ALK: variants seen among roughly 807,000 people sequenced by gnomAD.
The protein encoded by ALK is ALK receptor tyrosine kinase.
Under a neutral mutation model 163.1 loss-of-function variants are expected in ALK, and 74 were observed. That is an observed-to-expected ratio of 0.45 (90% CI 0.38 to 0.55). The LOEUF (loss-of-function observed/expected upper bound fraction) is 0.55. Among genes scored for constraint, ALK ranks in the 20% least tolerant of loss-of-function variants. The pLI is 0.00. For missense variants in ALK, 2,063 were observed against 2,105.3 expected (o/e 0.98, Z 0.39); for synonymous variants, 960 against 843.2 (o/e 1.14, Z -2.40).
At chr2:29,409,183 C>T (rs1669667682) in intron 4 of ALK, among the ~76,000 whole-genome samples, 1 of 152,188 alleles carries the variant, frequency 6.6e-6, no homozygotes, top group Admixed American at 6.5e-5. Flanking sequence ...CTCTAAAATG[C>T]CACTCGTCTT....
At chr2:29,575,365 T>C (rs919793040) in intron 3 of ALK, among the ~76,000 whole-genome samples, 2 of 152,214 alleles carry the variant, frequency 1.3e-5, no homozygotes, top group African/African-American at 2.4e-5. Context: ...TCATCTGTTT[T>C]TATTCTCTTT....
intron 4 of ALK, among the ~76,000 whole-genome samples, chr2:29,514,996 C>T (rs1179038195): frequency 6.6e-6 from 1 of 152,190 alleles, no homozygotes; most frequent in Non-Finnish European, 1.5e-5. Flanking sequence ...CCTGATCAGT[C>T]CTCTGCCTGT....
intron 20 of ALK, 82 bp from the exon 21 acceptor site, chr2:29,222,689 C>T (rs2148169684): frequency 8.0e-7 from 1 of 1,243,500 alleles, no homozygotes; most frequent in Non-Finnish European, 1.2e-6. Flanking sequence ...GCCTGGGCGT[C>T]ACATTTAGTG....
At chr2:29,741,271 G>T (rs1265143562) in intron 1 of ALK, among the ~76,000 whole-genome samples, 1 of 152,150 alleles carries the variant, frequency 6.6e-6, no homozygotes, top group African/African-American at 2.4e-5. Context: ...TACTATAACG[G>T]TGAGTGCCCA....
chr2:29,556,324 G>A (rs115552113), intron 3 of ALK, among the ~76,000 whole-genome samples: 127 of 152,310 alleles, frequency 8.3e-4, no homozygotes, highest in African/African-American at 2.8e-3. Context: ...CTATGGAGAA[G>A]TCTCACGGAG....
At chr2:29,273,311 T>A (rs1665443055) in intron 11 of ALK, among the ~76,000 whole-genome samples, 1 of 152,242 alleles carries the variant, frequency 6.6e-6, no homozygotes, top group African/African-American at 2.4e-5. Context: ...CCTGGACCCA[T>A]AGGCACTACC....
At chr2:29,688,777 T>C (rs1040276638) in intron 3 of ALK, among the ~76,000 whole-genome samples, 15 of 152,216 alleles carry the variant, frequency 9.9e-5, no homozygotes, top group African/African-American at 3.6e-4. Flanking sequence ...CTCCTGACTG[T>C]TTCCCCAACT....
intron 4 of ALK, among the ~76,000 whole-genome samples, chr2:29,406,444 A>G (rs1024244502): frequency 6.6e-6 from 1 of 152,186 alleles, no homozygotes; most frequent in African/African-American, 2.4e-5. Flanking sequence ...CCTGTCTCCA[A>G]GTTTGCCTTC....
In ALK at chr2:29,374,412, C is replaced by G. The variant is rs192262959; in HGVS notation, c.1282+9320G>C. On this transcript the variant is annotated intron_variant, in intron 5 of 28. Transcript: ENST00000389048. ...CTCTCCTACATTGGAATAAGCAAAC[C>G]TTTATTGAGTGCTTGCCATGAAAAA... Among the ~76,000 whole-genome samples, 957 of 151,144 alleles carry G rather than the reference C, an allele frequency of 6.3e-3. 11 individuals carry two copies. The highest frequency in any genetic ancestry group is 6.6e-3 in the Non-Finnish European group (451 of 67,882).
chr2:29,562,635 GA>G (rs1052466990), intron 3 of ALK, among the ~76,000 whole-genome samples: 28 of 152,050 alleles, frequency 1.8e-4, no homozygotes, highest in Admixed American at 7.2e-4. Context: ...GAAGAAGGGG[GA>G]AAAAAAATCT....
At chr2:29,472,619 C>T (rs1359584928) in intron 4 of ALK, among the ~76,000 whole-genome samples, 1 of 151,908 alleles carries the variant, frequency 6.6e-6, no homozygotes, top group African/African-American at 2.4e-5. Context: ...ATAAAAGGCA[C>T]ATTTGGAAAA....
At chr2:29,426,136 G>A (rs750644927) in intron 4 of ALK, among the ~76,000 whole-genome samples, 1 of 152,212 alleles carries the variant, frequency 6.6e-6, no homozygotes, top group African/African-American at 2.4e-5. Context: ...TGGTTTAACA[G>A]AGATCAGGGA....
chr2:29,330,660 T>C (rs1164415187), intron 5 of ALK, among the ~76,000 whole-genome samples: 6 of 152,180 alleles, frequency 3.9e-5, no homozygotes, highest in Admixed American at 3.3e-4. Flanking sequence ...GCTGCTGTGA[T>C]TAAGAATCTT....
chr2:29,911,741 A>T (rs1329234058), intron 1 of ALK, among the ~76,000 whole-genome samples: 2 of 152,336 alleles, frequency 1.3e-5, no homozygotes, highest in East Asian at 1.9e-4. Context: ...AATTTGCAGG[A>T]TACAATCTCA....
intron 9 of ALK, among the ~76,000 whole-genome samples, chr2:29,291,581 G>A (rs1031519371): frequency 2.0e-5 from 3 of 152,154 alleles, no homozygotes; most frequent in African/African-American, 7.2e-5. Context: ...TTGTTTTAAG[G>A]ATGAAATTAG....
At chr2:29,409,202 C>A (rs1216963208) in intron 4 of ALK, among the ~76,000 whole-genome samples, 1 of 152,188 alleles carries the variant, frequency 6.6e-6, no homozygotes, top group Non-Finnish European at 1.5e-5. Context: ...TTGTTTCCCA[C>A]CTGTCCTCAA....
intron 1 of ALK, among the ~76,000 whole-genome samples, chr2:29,918,224 A>G (rs1446045327): frequency 1.3e-5 from 2 of 152,236 alleles, no homozygotes; most frequent in Non-Finnish European, 2.9e-5. Flanking sequence ...ACATCTGACA[A>G]CAGCTGATAC....
At chr2:29,815,308 T>C (rs963017989) in intron 1 of ALK, among the ~76,000 whole-genome samples, 1 of 151,904 alleles carries the variant, frequency 6.6e-6, no homozygotes, top group Non-Finnish European at 1.5e-5. Context: ...CTGGAAAGAT[T>C]TTATACAGTC....
intron 1 of ALK, among the ~76,000 whole-genome samples, chr2:29,810,203 C>T (rs1471935994): frequency 6.6e-6 from 1 of 152,086 alleles, no homozygotes; most frequent in Non-Finnish European, 1.5e-5. Flanking sequence ...GGGTGAATCA[C>T]CTGAGGTCAG....
Sources: gnomAD v4.1 joint callset for allele counts (sites outside exome capture counted in the v4.1 genomes callset) on GRCh38, gnomAD v4.1.1 for gene constraint, MANE v1.5 for transcripts, NCBI Gene and HGNC (gene_info 2026-07-23, HGNC 2026-07-21) for gene names.